RASD2: variants seen among roughly 807,000 people sequenced by gnomAD.
The protein encoded by RASD2 is RASD family member 2.
RASD2 carries 7 observed loss-of-function variants against 15.8 expected under a neutral mutation model. The observed-to-expected ratio is 0.44, with a 90% confidence interval of 0.25 to 0.83. The LOEUF (loss-of-function observed/expected upper bound fraction) is 0.83. Among genes scored for constraint, RASD2 ranks in the 40% least tolerant of loss-of-function variants. The pLI, the probability that RASD2 is intolerant of heterozygous loss-of-function variation, is 0.20. For synonymous variants in RASD2, 155 were observed against 153.6 expected (o/e 1.01, Z -0.07); for missense variants, 274 against 382.8 (o/e 0.72, Z 2.37).
At chr22:35,548,523 T>C (rs1272962980) in intron 2 of RASD2, among the ~76,000 whole-genome samples, 1 of 152,196 alleles carries the variant, frequency 6.6e-6, no homozygotes, top group African/African-American at 2.4e-5. Flanking sequence ...GGCAACTCTC[T>C]AGGCATCATT....
Position 35,551,489 on chromosome 22 carries a change from C to T in RASD2, c.272-14C>T, listed in dbSNP as rs368423584. 14 of 1,599,912 alleles carry T rather than the reference C, an allele frequency of 8.8e-6. No individual in the cohort carries two copies. Among genetic ancestry groups the T allele is most frequent in the African/African-American group, 2.7e-5 (2 of 74,644 alleles). On this transcript the variant is annotated splice_polypyrimidine_tract_variant and intron_variant, in intron 2 of 2. Coordinates refer to ENST00000216127, the MANE Select transcript of RASD2 (RefSeq NM_014310.4). This position sits in a 1 kb window ranked among gnomAD's most constrained non-coding sequence, Gnocchi z 4.9. ...CTGGCCGGTGAACTCACTACCTGGG[C>T]TCTCTCCCTGCAGGGGATGTCTTCA...
At position 35,551,324 on chromosome 22, in the gene RASD2, C is replaced by T. The variant is rs1034547218; in HGVS notation, c.272-179C>T. Among the ~76,000 whole-genome samples the T allele has an allele frequency of 6.6e-6, 1 of 152,168 alleles. No homozygotes were observed. Among genetic ancestry groups the T allele is most frequent in the Non-Finnish European group, 1.5e-5 (1 of 68,036 alleles). ...TCAGTTTCCTGTCCTGGAAAATAAT[C>T]GCAGGGAGAATAATCGCAGCTACCC... On this transcript the variant is annotated intron_variant, in intron 2 of 2. Coordinates refer to ENST00000216127, the MANE Select transcript of RASD2 (RefSeq NM_014310.4). The surrounding 1 kb of genome is among the most constrained non-coding windows in gnomAD (Gnocchi z 4.9).
Position 35,552,150 on chromosome 22 carries a change from C to T in RASD2, c.*118C>T, listed in dbSNP as rs573868425. The T allele has an allele frequency of 1.7e-4, 223 of 1,349,930 alleles. 1 individual carries two copies. In the Middle Eastern group the frequency reaches 1.9e-3, roughly 11 times the overall value. 83.6% of individuals were successfully genotyped at this position (1,349,930 alleles called of 1,614,324 possible). ...CAGTCTTGTTCACAGACCTTAGGCA[C>T]CAGACTGGAGGCCCCCGGGCGCTGG... is the stretch of plus-strand genomic sequence containing the variant. On this transcript the variant is annotated 3_prime_UTR_variant, in exon 3 of 3. Transcript: ENST00000216127.
At chr22:35,542,828 A>T (rs1408100192) in intron 1 of RASD2, among the ~76,000 whole-genome samples, 1 of 152,176 alleles carries the variant, frequency 6.6e-6, no homozygotes, top group African/African-American at 2.4e-5. Context: ...CCACAGGTGC[A>T]CTTGCTCAGA....
At chr22:35,536,562 C>T (rs370500523), upstream of RASD2, among the ~76,000 whole-genome samples, 11 of 152,268 alleles carry the variant, frequency 7.2e-5, no homozygotes, top group South Asian at 4.1e-4. Context: ...CATGACCTTG[C>T]GATCTGCCTG....
intron 1 of RASD2, among the ~76,000 whole-genome samples, chr22:35,542,950 C>T (rs555798174): frequency 4.5e-4 from 68 of 152,332 alleles, no homozygotes; most frequent in African/African-American, 1.5e-3. Flanking sequence ...GTCATCCCCC[C>T]GCCTGATGCC....
At chr22:35,535,962 G>A (rs935205791), upstream of RASD2, among the ~76,000 whole-genome samples, 38 of 152,286 alleles carry the variant, frequency 2.5e-4, no homozygotes, top group Admixed American at 9.8e-4. Context: ...CGGGGGCAGG[G>A]TGTGGCTGGT....
upstream of RASD2, among the ~76,000 whole-genome samples, chr22:35,539,844 C>G (rs113427750): frequency 6.6e-5 from 10 of 152,286 alleles, no homozygotes; most frequent in Middle Eastern, 3.4e-3. Flanking sequence ...TGAGAAGGCC[C>G]GATGTCTGGC....
the RASD2 span, among the ~76,000 whole-genome samples, chr22:35,532,923 G>T: frequency 6.6e-6 from 1 of 152,218 alleles, no homozygotes; most frequent in Non-Finnish European, 1.5e-5. Context: ...GGTTCCTGTA[G>T]CAGAGAGAGC....
the RASD2 span, among the ~76,000 whole-genome samples, chr22:35,533,929 T>C: frequency 6.9e-6 from 1 of 145,906 alleles, no homozygotes; most frequent in Non-Finnish European, 1.5e-5. Context: ...ATGGTGATGA[T>C]GGTGATGATG....
At chr22:35,542,542 G>A (rs998909824) in intron 1 of RASD2, among the ~76,000 whole-genome samples, 75 of 152,330 alleles carry the variant, frequency 4.9e-4, no homozygotes, top group African/African-American at 1.8e-3. Flanking sequence ...TCTACCACCT[G>A]AGCTGCCAAG....
Position 35,546,802 on chromosome 22 carries a change from C to T in RASD2, c.-8C>T. ...CCTGCTTCTCTCGCTTTGTTGCAGC[C>T]CCGAGCCATGATGAAGACTTTGTCC... On this transcript the variant is annotated splice_region_variant and 5_prime_UTR_variant, in exon 2 of 3. Transcript: ENST00000216127. 2 of 1,612,506 alleles carry T rather than the reference C, an allele frequency of 1.2e-6. No homozygotes were observed. The highest frequency in any genetic ancestry group is 1.7e-6 in the Non-Finnish European group (2 of 1,179,160).
In RASD2 at chr22:35,551,761, C is replaced by T. The variant is rs370950670; in HGVS notation, c.530C>T (p.Thr177Ile). Residue 177 changes from threonine to isoleucine, a missense_variant, in exon 3 of 3, where the codon ACC (threonine) becomes ATC (isoleucine). By Grantham distance (89) the Thr-to-Ile change is moderately conservative (BLOSUM62 -1). Coordinates refer to ENST00000216127, the MANE Select transcript of RASD2 (RefSeq NM_014310.4). This position sits in a 1 kb window ranked among gnomAD's most constrained non-coding sequence, Gnocchi z 4.9. ...AYFEVSAKKN[T>I]NVDEMFYVLF... ...TTCGAGGTGTCGGCCAAGAAGAACA[C>T]CAACGTGGACGAGATGTTCTACGTG... 18 of 1,613,960 alleles carry T rather than the reference C, an allele frequency of 1.1e-5. No individual in the cohort carries two copies. The highest frequency in any genetic ancestry group is 1.6e-4 in the Middle Eastern group (1 of 6,084).
upstream of RASD2, among the ~76,000 whole-genome samples, chr22:35,538,476 G>A (rs715563): frequency 0.023 from 3,429 of 152,216 alleles, 64 homozygotes; most frequent in Middle Eastern, 0.088. Context: ...GGGAAAATAG[G>A]CACATGTGAG....
chr22:35,553,467 C>T lies in RASD2; in HGVS notation c.*1435C>T, dbSNP rs1281573071. 2 of 152,450 alleles carry T rather than the reference C, an allele frequency of 1.3e-5. No individual in the cohort carries two copies. Among genetic ancestry groups the T allele is most frequent in the Admixed American group, 6.5e-5 (1 of 15,274 alleles). 9.4% of individuals were successfully genotyped at this position (152,450 alleles called of 1,614,324 possible). ...CTAAACATATTGAAGTTTTAGGGCC[C>T]TAAGGAACCTTAGTGATCTTCTATT... On this transcript the variant is annotated 3_prime_UTR_variant, in exon 3 of 3. Coordinates refer to ENST00000216127, the MANE Select transcript of RASD2 (RefSeq NM_014310.4).
chr22:35,543,362 C>T (rs1368092698), intron 1 of RASD2, among the ~76,000 whole-genome samples: 1 of 152,206 alleles, frequency 6.6e-6, no homozygotes, highest in Admixed American at 6.5e-5. Context: ...CTCTCTGATT[C>T]CTTACTTCCC....
chr22:35,541,811 G>A (rs913146988), intron 1 of RASD2, among the ~76,000 whole-genome samples: 1 of 152,178 alleles, frequency 6.6e-6, no homozygotes, highest in Non-Finnish European at 1.5e-5. Flanking sequence ...TAAAGAGCTA[G>A]AGTAATAGCC....
In RASD2 at chr22:35,547,045, C is replaced by T. The variant is rs1323697396; in HGVS notation, c.236C>T (p.Pro79Leu). ...ATCCTGGATACCTCTGGCAACCACC[C>T]CTTCCCCGCCATGCGCAGGCTGTCC... Reference protein sequence around the residue: ...LDILDTSGNHPFPAMRRLSIL... With the variant: ...LDILDTSGNHLFPAMRRLSIL... The change falls in exon 2 of 3, where the codon CCC becomes CTC. Residue 79 changes from proline (P) to leucine (L), a missense_variant. Pro to Leu is a moderately conservative substitution (Grantham distance 98). Coordinates refer to ENST00000216127, the MANE Select transcript of RASD2 (RefSeq NM_014310.4). 3 of 1,614,072 alleles carry T rather than the reference C, an allele frequency of 1.9e-6. No homozygotes were observed.
the RASD2 span, among the ~76,000 whole-genome samples, chr22:35,535,803 C>T: frequency 2.0e-5 from 3 of 151,082 alleles, no homozygotes; most frequent in African/African-American, 7.3e-5. Context: ...GGGTCAGAGA[C>T]GTTAAGTGGC....
Sources: allele counts gnomAD v4.1 joint callset (sites outside exome capture counted in the v4.1 genomes callset), GRCh38; gene constraint gnomAD v4.1.1; non-coding constraint Gnocchi (gnomAD v3.1); transcripts MANE v1.5; gene names NCBI Gene and HGNC (gene_info 2026-07-23, HGNC 2026-07-21).